CACNA1C: variants seen among roughly 807,000 people sequenced by gnomAD.
The protein encoded by CACNA1C is calcium voltage-gated channel subunit alpha1 C, also known as voltage-dependent L-type calcium channel subunit alpha-1C.
CACNA1C carries 30 observed loss-of-function variants against 229.0 expected under a neutral mutation model. That is an observed-to-expected ratio of 0.13 (90% CI 0.10 to 0.18). The LOEUF is 0.18. CACNA1C is among the 10% of genes least tolerant of loss of function. CACNA1C has a pLI of 1.00. For missense variants in CACNA1C, 1,658 were observed against 2,845.0 expected, an observed-to-expected ratio of 0.58 and a Z score of 9.49; for synonymous variants, 1,114 against 1,132.5, an observed-to-expected ratio of 0.98 and a Z score of 0.33.
intron 1 of CACNA1C, among the ~76,000 whole-genome samples, chr12:1,983,734 G>A (rs2036826207): frequency 1.3e-5 from 2 of 151,924 alleles, no homozygotes; most frequent in Non-Finnish European, 2.9e-5. Context: ...TGACAGCTGT[G>A]TTTAGTTGAT....
chr12:2,303,762 T>A (rs1002438279), intron 3 of CACNA1C, among the ~76,000 whole-genome samples: 2 of 152,200 alleles, frequency 1.3e-5, no homozygotes. Flanking sequence ...TCTGCAAGGC[T>A]GTGCGGAGTG....
At chr12:2,147,016 AC>A (rs1254353390) in intron 3 of CACNA1C, among the ~76,000 whole-genome samples, 2 of 150,148 alleles carry the variant, frequency 1.3e-5, no homozygotes, top group Admixed American at 6.7e-5. Context: ...GAGCTCTCCA[AC>A]CCCCCCAATT....
rs569573571 is a variant in CACNA1C at position 2,276,079 on chromosome 12, AT to A, written c.477+155658del. On this transcript the variant is annotated intron_variant, in intron 3 of 46. Transcript: ENST00000399655. ...TTTTAATTTGTATAATTTTTTAATG[AT>A]TTTTTTTTCCTAATATTTTTTACCC... Among the ~76,000 whole-genome samples, 147 of 137,426 alleles carry A rather than the reference AT, an allele frequency of 1.1e-3. 3 individuals are homozygous for A. The highest frequency in any genetic ancestry group is 6.8e-3 in the Admixed American group (94 of 13,758). The allele number at this position is 137,426 out of a possible 152,430, so 90.2% of individuals were successfully genotyped here. A position where few individuals can be genotyped will look rare whatever the true frequency, so the allele number is the denominator to read the frequency against.
At chr12:2,624,858 A>C (rs1316274232) in intron 29 of CACNA1C, among the ~76,000 whole-genome samples, 1 of 152,218 alleles carries the variant, frequency 6.6e-6, no homozygotes, top group East Asian at 1.9e-4. Flanking sequence ...AGAGAAATGC[A>C]TTAAAAGGAG....
chr12:2,023,490 C>A (rs1291877054), intron 1 of CACNA1C, among the ~76,000 whole-genome samples: 1 of 152,166 alleles, frequency 6.6e-6, no homozygotes, highest in Non-Finnish European at 1.5e-5. Flanking sequence ...TCCAGGATTT[C>A]CCCAGGAGAA....
chr12:2,372,954 A>G (rs2097911380), intron 3 of CACNA1C, among the ~76,000 whole-genome samples: 1 of 152,228 alleles, frequency 6.6e-6, no homozygotes, highest in Non-Finnish European at 1.5e-5. Context: ...GGTGCCGAGA[A>G]GCTCCTTGAC....
Position 2,651,778 on chromosome 12 carries a change from C to T in CACNA1C, c.4074+10C>T, listed in dbSNP as rs564029809. The T allele has an allele frequency of 2.5e-6, 4 of 1,588,282 alleles. No individual in the cohort carries two copies. In the South Asian group the frequency reaches 3.4e-5, roughly 13 times the overall value. ...CATCAAGTCCTTCCAGGTAGCCGCCCCTCATGTCCTGCGGCCCGGGGAATC... is the reference window on the plus strand; with the variant it reads ...CATCAAGTCCTTCCAGGTAGCCGCCTCTCATGTCCTGCGGCCCGGGGAATC... On this transcript the variant is annotated intron_variant, in intron 32 of 46. Transcript: ENST00000399655. The surrounding 1 kb of genome is among the most constrained non-coding windows in gnomAD (Gnocchi z 5.4).
chr12:2,237,213 A>G (rs2067753164), intron 3 of CACNA1C, among the ~76,000 whole-genome samples: 1 of 152,196 alleles, frequency 6.6e-6, no homozygotes, highest in African/African-American at 2.4e-5. Flanking sequence ...TTCTGGGTCA[A>G]TTTTAAAAAT....
rs1025114622 is a variant in CACNA1C, at chr12:2,145,746, C to T, written c.477+25316C>T. ...TCAAGTATGGCCAAGTGTGGGATTTCGTGGCAGGAGTGAGCTTTCCTGGAA... is the reference window on the plus strand; with the variant it reads ...TCAAGTATGGCCAAGTGTGGGATTTTGTGGCAGGAGTGAGCTTTCCTGGAA... On this transcript the variant is annotated intron_variant, in intron 3 of 46. Coordinates refer to ENST00000399655, the MANE Select transcript of CACNA1C (RefSeq NM_000719.7). 3.3e-5 allele frequency among the ~76,000 whole-genome samples: 5 copies of T among 151,182 alleles called. 2 individuals carry two copies. Among genetic ancestry groups the T allele is most frequent in the South Asian group, 2.1e-4 (1 of 4,752 alleles).
At chr12:2,135,264 A>G (rs1400762060) in intron 3 of CACNA1C, among the ~76,000 whole-genome samples, 1 of 145,804 alleles carries the variant, frequency 6.9e-6, no homozygotes, top group Non-Finnish European at 1.5e-5. Context: ...GTCCTCCCGT[A>G]GCTCAGAGTA....
intron 3 of CACNA1C, among the ~76,000 whole-genome samples, chr12:2,177,091 G>T (rs1231220164): frequency 6.6e-6 from 1 of 152,212 alleles, no homozygotes; most frequent in Admixed American, 6.5e-5. Context: ...TTCCCAGCCA[G>T]CTTGGAGAGC....
chr12:2,158,396 C>T (rs973332273), intron 3 of CACNA1C, among the ~76,000 whole-genome samples: 10 of 152,100 alleles, frequency 6.6e-5, no homozygotes, highest in African/African-American at 2.2e-4. Flanking sequence ...GGCAACATGG[C>T]GAAACCATGT....
chr12:2,100,481 A>C (rs12372029), intron 1 of CACNA1C, among the ~76,000 whole-genome samples: 2,524 of 15,108 alleles, frequency 0.17, 80 homozygotes, highest in African/African-American at 0.28. Flanking sequence ...AAAAAAAAAC[A>C]AAAAAAAAAA....
intron 9 of CACNA1C, among the ~76,000 whole-genome samples, chr12:2,544,620 G>A (rs146933068): frequency 1.3e-5 from 2 of 152,252 alleles, no homozygotes; most frequent in African/African-American, 4.8e-5. Context: ...TTGCCAACAA[G>A]AAATAAGATT....
intron 1 of CACNA1C, among the ~76,000 whole-genome samples, chr12:2,072,862 G>C (rs2061853304): frequency 6.6e-6 from 1 of 152,166 alleles, no homozygotes; most frequent in African/African-American, 2.4e-5. Flanking sequence ...TGTGCTCACT[G>C]TGAGCTTGGC....
chr12:2,680,414 C>T lies in CACNA1C; in HGVS notation c.5444+618C>T, dbSNP rs1057520958. On this transcript the variant is annotated intron_variant, in intron 42 of 46. Transcript: ENST00000399655. ...GTGGGACCTTCCCTCCCGCCCTGGG[C>T]CCCCGCAGGGCTCCTCCCTGTCTGC... 1 of 1,560,784 alleles carries T rather than the reference C, an allele frequency of 6.4e-7. No homozygotes were observed. Among genetic ancestry groups the T allele is most frequent in the Non-Finnish European group, 8.7e-7 (1 of 1,151,750 alleles).
intron 9 of CACNA1C, among the ~76,000 whole-genome samples, chr12:2,528,639 A>G (rs2099832931): frequency 1.3e-5 from 2 of 152,206 alleles, no homozygotes. Flanking sequence ...CAGCGGAGAA[A>G]GCGTTTGTTC....
At chr12:2,571,727 C>T (rs924968726) in intron 13 of CACNA1C, among the ~76,000 whole-genome samples, 2 of 152,102 alleles carry the variant, frequency 1.3e-5, no homozygotes, top group South Asian at 2.1e-4. Flanking sequence ...TGGCAAAGGC[C>T]GTCATCTTCC....
Position 2,595,081 on chromosome 12 carries a change from G to T in CACNA1C, c.2664-793G>T, listed in dbSNP as rs215980. On this transcript the variant is annotated intron_variant, in intron 19 of 46. Transcript: ENST00000399655. The surrounding 1 kb of genome is among the most constrained non-coding windows in gnomAD (Gnocchi z 4.1). The stretch of plus-strand genomic sequence containing the variant: ...TAACTCTTATAAACCAGAATTGTCT[G>T]AGAGAGTTTGGCCCTTCGAGGGTTT... Among the ~76,000 whole-genome samples, 12 of 152,136 alleles carry T rather than the reference G, an allele frequency of 7.9e-5. No individual in the cohort carries two copies. Among genetic ancestry groups the T allele is most frequent in the Admixed American group, 2.6e-4 (4 of 15,288 alleles).
Sources: allele counts gnomAD v4.1 joint callset (sites outside exome capture counted in the v4.1 genomes callset), GRCh38; gene constraint gnomAD v4.1.1; non-coding constraint Gnocchi (gnomAD v3.1); transcripts MANE v1.5; gene names NCBI Gene and HGNC (gene_info 2026-07-23, HGNC 2026-07-21).